RPS6KC1: variants seen among roughly 807,000 people sequenced by gnomAD.
The protein encoded by RPS6KC1 is ribosomal protein S6 kinase C1.
RPS6KC1 carries 54 observed loss-of-function variants against 103.8 expected under a neutral mutation model. That is an observed-to-expected ratio of 0.52 (90% confidence interval 0.42 to 0.65). The LOEUF (loss-of-function observed/expected upper bound fraction) is 0.65. Ranked by LOEUF, RPS6KC1 falls within the 30% of genes least tolerant of loss-of-function variation. RPS6KC1 has a pLI of 0.00. For synonymous variants in RPS6KC1, 439 were observed against 438.7 expected (o/e 1.00, Z -0.01); for missense variants, 1,151 against 1,253.8 (o/e 0.92, Z 1.24).
the RPS6KC1 span, among the ~76,000 whole-genome samples, chr1:213,334,862 A>T: frequency 6.6e-6 from 1 of 152,260 alleles, no homozygotes; most frequent in East Asian, 1.9e-4. Flanking sequence ...ATATTTACAC[A>T]TCTATATGTA....
At chr1:213,475,494 A>T in the RPS6KC1 span, among the ~76,000 whole-genome samples, 1 of 152,162 alleles carries the variant, frequency 6.6e-6, no homozygotes, top group Non-Finnish European at 1.5e-5. Context: ...AACTAAGCAG[A>T]GGCAGCTTTT....
chr1:213,646,899 T>TATATATATA, the RPS6KC1 span, among the ~76,000 whole-genome samples: 14 of 100,544 alleles, frequency 1.4e-4, no homozygotes, highest in African/African-American at 4.7e-4. Context: ...ATATATATAT[T>TATATATATA]TTTGTTTGTT....
chr1:213,092,315 A>G (rs755452754), intron 3 of RPS6KC1, among the ~76,000 whole-genome samples: 1 of 152,220 alleles, frequency 6.6e-6, no homozygotes. Context: ...ATGTTTCTCT[A>G]TCTGTGATTG....
the RPS6KC1 span, among the ~76,000 whole-genome samples, chr1:213,490,287 G>A: frequency 4.6e-5 from 7 of 152,220 alleles, no homozygotes; most frequent in South Asian, 8.3e-4. Context: ...CCCTACGGAC[G>A]TTGAAAGCGG....
the RPS6KC1 span, among the ~76,000 whole-genome samples, chr1:213,364,043 C>CACTATCT: frequency 6.6e-6 from 1 of 152,082 alleles, no homozygotes; most frequent in African/African-American, 2.4e-5. Context: ...CAAGTGTTTT[C>CACTATCT]AGTAGAGGGC....
the RPS6KC1 span, among the ~76,000 whole-genome samples, chr1:213,802,583 G>C: frequency 6.6e-6 from 1 of 152,132 alleles, no homozygotes; most frequent in Admixed American, 6.6e-5. Context: ...TTTATGTTTA[G>C]GAATGATTTT....
chr1:213,376,591 G>C, the RPS6KC1 span, among the ~76,000 whole-genome samples: 7,353 of 151,740 alleles, frequency 0.048, 439 homozygotes, highest in East Asian at 0.18. Flanking sequence ...CCGTTCCTCC[G>C]ATTTTGCCTC....
rs906005549 is a variant in RPS6KC1 at position 213,208,894 on chromosome 1, T to A, written c.1045-21603T>A. Reference sequence around the variant, plus strand: ...TATATATACTTTTTCCATGTCCTCCTGTTTTTAGGAGATAATTTCAGGATA... The same window carrying A: ...TATATATACTTTTTCCATGTCCTCCAGTTTTTAGGAGATAATTTCAGGATA... On this transcript the variant is annotated intron_variant, in intron 8 of 14. Transcript: ENST00000366960. Among the ~76,000 whole-genome samples, 3 of 151,884 alleles carry A rather than the reference T, an allele frequency of 2.0e-5. No individual in the cohort carries two copies. In the East Asian group the frequency reaches 5.8e-4, roughly 29 times the overall value.
At chr1:213,621,000 C>T in the RPS6KC1 span, among the ~76,000 whole-genome samples, 1 of 152,168 alleles carries the variant, frequency 6.6e-6, no homozygotes, top group African/African-American at 2.4e-5. Flanking sequence ...CTGGTTTGAG[C>T]CTCACATTTT....
In RPS6KC1 at chr1:213,241,658, GCC is replaced by G. The variant is rs757363396; in HGVS notation, c.2185_2186del (p.Pro729Ter). ...IGIIENKLLEAPDVLCLRLST... is the reference protein window; with the variant it reads ...IGIIENKLLEXPDVLCLRLST... ...GATAATAGAAAATAAACTCTTGGAA[GCC>G]CCTGATGTTTTATGCCTCAGGCTTA... On this transcript the variant is annotated frameshift_variant, in exon 11 of 15. Transcript: ENST00000366960. LOFTEE classifies it high-confidence loss of function. 1 of 1,613,880 alleles carries G rather than the reference GCC, an allele frequency of 6.2e-7. No homozygotes were observed. The highest frequency in any genetic ancestry group is 1.3e-5 in the African/African-American group (1 of 75,020).
chr1:213,495,928 A>T, the RPS6KC1 span, among the ~76,000 whole-genome samples: 1 of 152,240 alleles, frequency 6.6e-6, no homozygotes, highest in African/African-American at 2.4e-5. Flanking sequence ...ATAACCAAAT[A>T]CCAAGACAAT....
intron 5 of RPS6KC1, among the ~76,000 whole-genome samples, chr1:213,121,872 C>A (rs1400403776): frequency 1.3e-5 from 2 of 152,202 alleles, no homozygotes; most frequent in Non-Finnish European, 2.9e-5. Context: ...TGTAGCATAT[C>A]TTAAGAATGA....
intron 6 of RPS6KC1, among the ~76,000 whole-genome samples, chr1:213,153,451 G>A (rs866035521): frequency 1.5e-4 from 23 of 152,142 alleles, no homozygotes; most frequent in Admixed American, 1.0e-3. Context: ...AAACAGACAA[G>A]CAAAAGGAAG....
At chr1:213,336,198 C>T in the RPS6KC1 span, among the ~76,000 whole-genome samples, 1 of 152,278 alleles carries the variant, frequency 6.6e-6, no homozygotes, top group South Asian at 2.1e-4. Context: ...TTCAGAACCC[C>T]TTCAAACTTG....
intron 12 of RPS6KC1, among the ~76,000 whole-genome samples, chr1:213,249,082 A>G (rs551337646): frequency 1.3e-5 from 2 of 152,344 alleles, no homozygotes; most frequent in East Asian, 1.9e-4. Flanking sequence ...GAAGAGGAAC[A>G]TGAGACTAGA....
chr1:213,565,701 C>A, the RPS6KC1 span, among the ~76,000 whole-genome samples: 2 of 152,110 alleles, frequency 1.3e-5, no homozygotes, highest in Admixed American at 6.5e-5. Context: ...CACCAATGTA[C>A]ACTTATTATT....
the RPS6KC1 span, among the ~76,000 whole-genome samples, chr1:213,413,146 C>A: frequency 6.6e-6 from 1 of 152,048 alleles, no homozygotes; most frequent in Non-Finnish European, 1.5e-5. Flanking sequence ...TTAATGGATG[C>A]ATAGTTATAC....
chr1:213,621,793 C>T, the RPS6KC1 span, among the ~76,000 whole-genome samples: 1 of 152,066 alleles, frequency 6.6e-6, no homozygotes, highest in Non-Finnish European at 1.5e-5. Context: ...CCCTTCTGAA[C>T]ACAAGCCCTA....
the RPS6KC1 span, among the ~76,000 whole-genome samples, chr1:213,590,064 T>C: frequency 6.6e-6 from 1 of 152,122 alleles, no homozygotes. Context: ...TAGGACCTTC[T>C]TGATTTGCTA....
Sources: gnomAD v4.1 joint callset for allele counts (sites outside exome capture counted in the v4.1 genomes callset) on GRCh38, gnomAD v4.1.1 for gene constraint, MANE v1.5 for transcripts, NCBI Gene and HGNC (gene_info 2026-07-23, HGNC 2026-07-21) for gene names.